The following APBB2 variants were observed in gnomAD, a reference collection of about 807,000 sequenced individuals.
APBB2 encodes the protein amyloid beta precursor protein binding family B member 2, also known as Fe65-like 1.
APBB2 carries 38 observed loss-of-function variants against 82.5 expected under a neutral mutation model. The observed-to-expected ratio is 0.46, with a 90% CI of 0.36 to 0.60. The LOEUF is 0.60. APBB2 is among the 20% of genes least tolerant of loss of function. APBB2 has a pLI of 0.00. For synonymous variants in APBB2, 341 were observed against 368.2 expected (o/e 0.93, Z 0.85); for missense variants, 772 against 972.3 (o/e 0.79, Z 2.74).
At chr4:40,982,256 A>AAG (rs1462847380) in intron 6 of APBB2, among the ~76,000 whole-genome samples, 1 of 28,416 alleles carries the variant, frequency 3.5e-5, no homozygotes, top group African/African-American at 1.5e-4. Context: ...GAAAGAAAGA[A>AAG]AGAAAGAAAG....
intron 11 of APBB2, among the ~76,000 whole-genome samples, chr4:40,892,211 A>G (rs894033215): frequency 3.5e-4 from 54 of 152,280 alleles, no homozygotes; most frequent in African/African-American, 1.3e-3. Context: ...TCGGCCTCCC[A>G]AAGTGCTGGG....
chr4:40,961,232 T>C (rs1793119630), intron 6 of APBB2, among the ~76,000 whole-genome samples: 2 of 152,084 alleles, frequency 1.3e-5, no homozygotes, highest in Non-Finnish European at 2.9e-5. Context: ...ATTTCATTCA[T>C]CTCACAGCAA....
chr4:41,170,950 T>C (rs945539504), intron 1 of APBB2, among the ~76,000 whole-genome samples: 2 of 152,184 alleles, frequency 1.3e-5, no homozygotes, highest in African/African-American at 2.4e-5. Flanking sequence ...CCTAAATAAC[T>C]TGAATGTGTT....
intron 3 of APBB2, among the ~76,000 whole-genome samples, chr4:41,086,938 ACACACAC>A (rs772447644): frequency 2.0e-5 from 3 of 151,666 alleles, no homozygotes; most frequent in Middle Eastern, 3.4e-3. Context: ...ACACACACAC[ACACACAC>A]ACACAAAAAA....
At chr4:40,933,272 C>A (rs1002296705) in intron 10 of APBB2, among the ~76,000 whole-genome samples, 1 of 152,168 alleles carries the variant, frequency 6.6e-6, no homozygotes, top group African/African-American at 2.4e-5. Context: ...ATCTTGGTAC[C>A]TGCACACAGA....
At chr4:40,982,411 A>T (rs1391463418) in intron 6 of APBB2, among the ~76,000 whole-genome samples, 4 of 99,746 alleles carry the variant, frequency 4.0e-5, no homozygotes, top group Admixed American at 9.4e-5. Context: ...GAAAGAAAGA[A>T]AGAAAGAAAG....
chr4:41,189,646 C>T (rs1039911089), intron 1 of APBB2, among the ~76,000 whole-genome samples: 3 of 152,182 alleles, frequency 2.0e-5, no homozygotes, highest in African/African-American at 7.2e-5. Context: ...TTAAAGTCCT[C>T]AGTACAAGTA....
At chr4:40,882,743 T>C (rs1769011727) in intron 12 of APBB2, among the ~76,000 whole-genome samples, 1 of 152,058 alleles carries the variant, frequency 6.6e-6, no homozygotes, top group Admixed American at 6.6e-5. Flanking sequence ...GGTTTGGAGC[T>C]GAGGGGACAG....
intron 2 of APBB2, among the ~76,000 whole-genome samples, chr4:41,124,057 C>G (rs1199564872): frequency 6.6e-6 from 1 of 152,136 alleles, no homozygotes; most frequent in Non-Finnish European, 1.5e-5. Flanking sequence ...AGCTTGCCCA[C>G]AGAGCTTTGA....
At chr4:40,816,346 T>A in intron 17 of APBB2, 87 bp from the exon 18 acceptor site, 2 of 1,425,064 alleles carry the variant, frequency 1.4e-6, no homozygotes, top group Admixed American at 1.8e-5. Context: ...CCATAATACA[T>A]TGACTCCCAA....
intron 6 of APBB2, among the ~76,000 whole-genome samples, chr4:40,992,966 G>A (rs79573396): frequency 9.0e-4 from 137 of 152,266 alleles, no homozygotes; most frequent in Non-Finnish European, 1.7e-3. Flanking sequence ...GTACACAATC[G>A]TAGTCCCTCT....
intron 6 of APBB2, among the ~76,000 whole-genome samples, chr4:41,007,955 G>A (rs1807244495): frequency 6.6e-6 from 1 of 152,192 alleles, no homozygotes; most frequent in African/African-American, 2.4e-5. Flanking sequence ...GGAATACAGA[G>A]AAAGGACTTT....
At chr4:40,925,945 G>A (rs955780443) in intron 10 of APBB2, among the ~76,000 whole-genome samples, 2 of 152,174 alleles carry the variant, frequency 1.3e-5, no homozygotes, top group Non-Finnish European at 2.9e-5. Flanking sequence ...CTACCCGATG[G>A]TTTGTTTCAT....
intron 12 of APBB2, among the ~76,000 whole-genome samples, chr4:40,835,206 G>A (rs1028903110): frequency 6.6e-6 from 1 of 151,764 alleles, no homozygotes; most frequent in African/African-American, 2.4e-5. Context: ...AACCCGGGAG[G>A]TGGAGGTTGC....
intron 6 of APBB2, among the ~76,000 whole-genome samples, chr4:40,956,022 C>T (rs1019228859): frequency 2.0e-5 from 3 of 152,184 alleles, no homozygotes; most frequent in Admixed American, 1.3e-4. Context: ...GATCCACCTA[C>T]CTCGGCCTCC....
intron 12 of APBB2, among the ~76,000 whole-genome samples, chr4:40,887,027 G>C (rs1398427422): frequency 6.6e-6 from 1 of 152,144 alleles, no homozygotes; most frequent in Non-Finnish European, 1.5e-5. Context: ...CTCTCAACAA[G>C]ACAAAGCCTT....
intron 12 of APBB2, among the ~76,000 whole-genome samples, chr4:40,837,970 G>T (rs188503442): frequency 9.2e-5 from 14 of 152,040 alleles, no homozygotes; most frequent in Admixed American, 2.0e-4. Context: ...GGAGAAAAAT[G>T]ACAGTGTTAA....
At chr4:40,939,570 C>T (rs1323077586) in intron 7 of APBB2, among the ~76,000 whole-genome samples, 1 of 152,154 alleles carries the variant, frequency 6.6e-6, no homozygotes, top group Non-Finnish European at 1.5e-5. Context: ...CAGGCAATGT[C>T]AGTGAGTGTT....
chr4:41,152,576 C>T (rs1762544442), intron 1 of APBB2, among the ~76,000 whole-genome samples: 1 of 152,264 alleles, frequency 6.6e-6, no homozygotes, highest in African/African-American at 2.4e-5. Context: ...GATCTACCCA[C>T]CTCGGCCTCC....
Sources: gnomAD v4.1 joint callset for allele counts (sites outside exome capture counted in the v4.1 genomes callset) on GRCh38, gnomAD v4.1.1 for gene constraint, MANE v1.5 for transcripts, NCBI Gene and HGNC (gene_info 2026-07-23, HGNC 2026-07-21) for gene names.